Variants in EYA2 observed in about 807,000 individuals in gnomAD.
EYA2 encodes the protein protein phosphatase EYA2.
EYA2 carries 31 observed loss-of-function variants against 69.2 expected under a neutral mutation model. The ratio of observed to expected loss-of-function variants is 0.45; its 90% CI spans 0.34 to 0.60. EYA2 has a LOEUF of 0.60. Ranked by LOEUF, EYA2 falls within the 20% of genes least tolerant of loss-of-function variation. The probability of loss-of-function intolerance (pLI) is 0.02; values close to 1 mark genes in which losing one functional copy is unlikely to be tolerated. For missense variants in EYA2, 622 were observed against 701.2 expected, an observed-to-expected ratio of 0.89 and a Z score of 1.28; for synonymous variants, 257 against 279.4, an observed-to-expected ratio of 0.92 and a Z score of 0.80.
rs766324822 is a variant in EYA2 at position 47,016,309 on chromosome 20, G to A, written c.415+12G>A. On this transcript the variant is annotated intron_variant, in intron 5 of 15. Coordinates refer to ENST00000327619, the MANE Select transcript of EYA2 (RefSeq NM_005244.5). ...CTACCAGATGCACGGTCAGTGTGGC[G>A]CTGTGGCCCCTTCCTGCCCATCTCT... The A allele has an allele frequency of 4.6e-5, 74 of 1,599,412 alleles. No individual in the cohort carries two copies. The South Asian group carries it at 4.7e-4, about 10-fold the overall frequency.
intron 5 of EYA2, among the ~76,000 whole-genome samples, chr20:47,064,587 G>A (rs550671112): frequency 1.8e-4 from 28 of 152,280 alleles, no homozygotes; most frequent in Admixed American, 1.4e-3. Context: ...TTTATGCACC[G>A]TTTTACATTC....
At chr20:47,063,739 G>A (rs1229196124) in intron 5 of EYA2, among the ~76,000 whole-genome samples, 1 of 152,124 alleles carries the variant, frequency 6.6e-6, no homozygotes, top group Non-Finnish European at 1.5e-5. Flanking sequence ...TTTACTTAAG[G>A]TGTAACCAGA....
intron 1 of EYA2, among the ~76,000 whole-genome samples, chr20:46,896,050 T>C (rs1296027999): frequency 6.6e-6 from 1 of 152,214 alleles, no homozygotes; most frequent in Non-Finnish European, 1.5e-5. Flanking sequence ...CTTTTTAAAA[T>C]ATAACGTGGA....
chr20:46,971,706 A>C (rs1355085512), intron 1 of EYA2, among the ~76,000 whole-genome samples: 1 of 152,238 alleles, frequency 6.6e-6, no homozygotes, highest in Non-Finnish European at 1.5e-5. Context: ...TTATCTTTTC[A>C]CATTATATGT....
intron 12 of EYA2, among the ~76,000 whole-genome samples, chr20:47,173,533 C>T (rs4434051): frequency 1.1e-4 from 14 of 130,508 alleles, no homozygotes; most frequent in Non-Finnish European, 1.6e-4. Flanking sequence ...AAAAAAAAAA[C>T]GTGCAGGGTC....
intron 9 of EYA2, among the ~76,000 whole-genome samples, chr20:47,121,921 C>G (rs1270538232): frequency 2.6e-5 from 4 of 152,206 alleles, no homozygotes; most frequent in African/African-American, 9.6e-5. Flanking sequence ...CCCTCCAACC[C>G]CAGCTCCTTC....
chr20:47,094,438 A>G (rs189382185), intron 8 of EYA2, among the ~76,000 whole-genome samples: 1 of 152,372 alleles, frequency 6.6e-6, no homozygotes, highest in Admixed American at 6.5e-5. Context: ...GGTCCAAAAG[A>G]TTTATGAAAT....
At chr20:47,099,227 C>T (rs114343994) in intron 9 of EYA2, among the ~76,000 whole-genome samples, 2,136 of 152,346 alleles carry the variant, frequency 0.014, 57 homozygotes, top group African/African-American at 0.049. Flanking sequence ...GAAATTGTCT[C>T]CTTGCACTTC....
At chr20:46,941,104 G>T (rs914084635) in intron 1 of EYA2, among the ~76,000 whole-genome samples, 3 of 152,232 alleles carry the variant, frequency 2.0e-5, no homozygotes, top group African/African-American at 7.2e-5. Context: ...CTGGACAGGG[G>T]ACGCTGACTA....
intron 3 of EYA2, among the ~76,000 whole-genome samples, chr20:47,004,232 G>C (rs1209294853): frequency 1.3e-5 from 2 of 152,190 alleles, no homozygotes; most frequent in Non-Finnish European, 2.9e-5. Context: ...CAGGCCTCGA[G>C]AGAGATTAAG....
chr20:47,178,417 T>A (rs2034465864), intron 12 of EYA2, among the ~76,000 whole-genome samples: 1 of 146,800 alleles, frequency 6.8e-6, no homozygotes, highest in Admixed American at 6.8e-5. Flanking sequence ...GATAAAAGAG[T>A]GGTCCATGTT....
intron 1 of EYA2, among the ~76,000 whole-genome samples, chr20:46,901,913 G>A (rs1221934066): frequency 6.6e-6 from 1 of 152,216 alleles, no homozygotes; most frequent in African/African-American, 2.4e-5. Context: ...GGCCCAAGCT[G>A]TCCAGTGCTC....
intron 9 of EYA2, among the ~76,000 whole-genome samples, chr20:47,104,098 A>G (rs117148606): frequency 1.3e-5 from 2 of 152,232 alleles, no homozygotes; most frequent in East Asian, 1.9e-4. Context: ...ATCCTCATCA[A>G]TATGTTATTG....
chr20:47,070,060 C>A (rs2031257184), intron 5 of EYA2, among the ~76,000 whole-genome samples: 1 of 152,098 alleles, frequency 6.6e-6, no homozygotes, highest in African/African-American at 2.4e-5. Flanking sequence ...AACCTACAAT[C>A]TTTTGCTCTT....
intron 9 of EYA2, among the ~76,000 whole-genome samples, chr20:47,132,048 C>T (rs2033354569): frequency 6.6e-6 from 1 of 152,172 alleles, no homozygotes; most frequent in Non-Finnish European, 1.5e-5. Context: ...TTCACTGTCA[C>T]CTCAACCTCC....
At chr20:47,007,551 A>T (rs1982792372) in intron 4 of EYA2, among the ~76,000 whole-genome samples, 1 of 152,170 alleles carries the variant, frequency 6.6e-6, no homozygotes, top group Non-Finnish European at 1.5e-5. Context: ...ACTGGAAGCC[A>T]CTAGAGGGTT....
chr20:47,082,786 A>G (rs2031766759), intron 7 of EYA2, among the ~76,000 whole-genome samples: 1 of 152,362 alleles, frequency 6.6e-6, no homozygotes, highest in Admixed American at 6.5e-5. Context: ...AGAGAAGAAC[A>G]AAGTTAGAGG....
chr20:47,183,688 G>A (rs2034581975), intron 15 of EYA2, among the ~76,000 whole-genome samples: 1 of 152,184 alleles, frequency 6.6e-6, no homozygotes, highest in South Asian at 2.1e-4. Flanking sequence ...GGGGGCCAGT[G>A]CACGTGCATG....
chr20:46,916,456 TTG>T (rs1244371183), intron 1 of EYA2, among the ~76,000 whole-genome samples: 3 of 151,484 alleles, frequency 2.0e-5, no homozygotes, highest in African/African-American at 2.4e-5. Flanking sequence ...GTGTGTGAGT[TTG>T]TGTGTGTGTG....
Sources: allele counts gnomAD v4.1 joint callset (sites outside exome capture counted in the v4.1 genomes callset), GRCh38; gene constraint gnomAD v4.1.1; transcripts MANE v1.5; gene names NCBI Gene and HGNC (gene_info 2026-07-23, HGNC 2026-07-21).